RBM20: variants seen among roughly 807,000 people sequenced by gnomAD.
RBM20 encodes the protein RNA-binding protein 20.
In RBM20, 51 loss-of-function variants were observed where a neutral mutation model predicts 110.1. The observed-to-expected ratio is 0.46, with a 90% CI of 0.37 to 0.59. The LOEUF (loss-of-function observed/expected upper bound fraction) is 0.59. Among genes scored for constraint, RBM20 ranks in the 20% least tolerant of loss-of-function variants. The probability of loss-of-function intolerance (pLI) is 0.00; values close to 1 mark genes in which losing one functional copy is unlikely to be tolerated. For missense variants in RBM20, 1,512 were observed against 1,574.9 expected, an observed-to-expected ratio of 0.96 and a Z score of 0.68; for synonymous variants, 589 against 618.2, an observed-to-expected ratio of 0.95 and a Z score of 0.70.
At chr10:110,681,130 G>C (rs1270267456) in intron 1 of RBM20, among the ~76,000 whole-genome samples, 1 of 152,186 alleles carries the variant, frequency 6.6e-6, no homozygotes, top group Non-Finnish European at 1.5e-5. Flanking sequence ...AAACAAGGGA[G>C]AGACCTCTGC....
At chr10:110,831,938 G>A (rs569092499) in intron 13 of RBM20, among the ~76,000 whole-genome samples, 1 of 152,142 alleles carries the variant, frequency 6.6e-6, no homozygotes, top group South Asian at 2.1e-4. Context: ...CCAGTCTAAG[G>A]TGCCATCATT....
intron 1 of RBM20, among the ~76,000 whole-genome samples, chr10:110,694,168 A>C (rs552416572): frequency 1.1e-4 from 17 of 152,320 alleles, no homozygotes; most frequent in Admixed American, 8.5e-4. Context: ...CGTCTTAACC[A>C]TAGGTATCCC....
intron 13 of RBM20, among the ~76,000 whole-genome samples, chr10:110,832,469 G>C (rs1845069567): frequency 6.6e-6 from 1 of 152,102 alleles, no homozygotes; most frequent in African/African-American, 2.4e-5. Context: ...TTTGGAGGTG[G>C]AAGGCAGATT....
rs565984503 is a variant in RBM20 at position 110,729,731 on chromosome 10, C to T, written c.192-51070C>T. 4.1e-4 allele frequency among the ~76,000 whole-genome samples: 63 copies of T among 152,342 alleles called. 1 individual carries two copies. In the South Asian group the frequency reaches 8.9e-3, roughly 22 times the overall value. On this transcript the variant is annotated intron_variant, in intron 1 of 13. Coordinates refer to ENST00000369519, the MANE Select transcript of RBM20 (RefSeq NM_001134363.3). ...AGACAGGCCTGAGGGGAACCGCATC[C>T]ACCTCCGCCCTAGATGCGATGTTGG...
intron 1 of RBM20, among the ~76,000 whole-genome samples, chr10:110,730,559 T>A (rs1843610348): frequency 6.6e-6 from 1 of 152,262 alleles, no homozygotes; most frequent in Admixed American, 6.5e-5. Flanking sequence ...GGCTGTGCTA[T>A]TGACATTGTG....
intron 1 of RBM20, among the ~76,000 whole-genome samples, chr10:110,709,428 T>C (rs4918575): frequency 0.34 from 51,839 of 152,012 alleles, 9,162 homozygotes; most frequent in African/African-American, 0.41. Context: ...CATTGCTGCC[T>C]GTCTGTTAGA....
intron 5 of RBM20, among the ~76,000 whole-genome samples, chr10:110,796,728 G>C (rs1263277905): frequency 6.6e-6 from 1 of 152,198 alleles, no homozygotes; most frequent in Non-Finnish European, 1.5e-5. Context: ...ATTCTAGTCT[G>C]AGTGGTACAG....
intron 10 of RBM20, 127 bp downstream of exon 10, chr10:110,820,303 C>T (rs1384481392): frequency 3.2e-6 from 2 of 626,578 alleles, no homozygotes; most frequent in East Asian, 5.7e-5. Context: ...CATGAATGAA[C>T]CAGTCCTCCT....
intron 1 of RBM20, among the ~76,000 whole-genome samples, chr10:110,667,862 T>G (rs1307083236): frequency 6.6e-6 from 1 of 152,150 alleles, no homozygotes; most frequent in Non-Finnish European, 1.5e-5. Flanking sequence ...TTACCCCCCA[T>G]GCATGTGACC....
chr10:110,735,110 A>G (rs1166057120), intron 1 of RBM20, among the ~76,000 whole-genome samples: 1 of 152,220 alleles, frequency 6.6e-6, no homozygotes, highest in Admixed American at 6.5e-5. Context: ...TTCCTTGATA[A>G]CAATCCCAAA....
At chr10:110,681,671 G>C (rs772985366) in intron 1 of RBM20, among the ~76,000 whole-genome samples, 2 of 152,174 alleles carry the variant, frequency 1.3e-5, no homozygotes, top group African/African-American at 4.8e-5. Flanking sequence ...AATGATTTTA[G>C]ACCTACAGAA....
chr10:110,816,354 A>C (rs1590698603), intron 9 of RBM20, among the ~76,000 whole-genome samples: 2 of 46,750 alleles, frequency 4.3e-5, no homozygotes, highest in Admixed American at 3.1e-4. Flanking sequence ...ACCCCAACCC[A>C]TTCCTCTCCC....
intron 1 of RBM20, among the ~76,000 whole-genome samples, chr10:110,749,469 A>C (rs1366348594): frequency 6.6e-6 from 1 of 152,370 alleles, no homozygotes; most frequent in Admixed American, 6.5e-5. Flanking sequence ...ATTATAAAAC[A>C]TAAAGTATAT....
intron 1 of RBM20, among the ~76,000 whole-genome samples, chr10:110,682,020 G>A (rs1862431052): frequency 6.6e-6 from 1 of 152,102 alleles, no homozygotes; most frequent in Admixed American, 6.5e-5. Context: ...CTCCTGAGTA[G>A]CTGGGATTAC....
chr10:110,776,339 A>T (rs1299016365), intron 1 of RBM20, among the ~76,000 whole-genome samples: 4 of 152,230 alleles, frequency 2.6e-5, no homozygotes, highest in Non-Finnish European at 4.4e-5. Flanking sequence ...GCTGTAACAA[A>T]TTGCCACAAA....
chr10:110,705,839 G>A (rs1564820922), intron 1 of RBM20, among the ~76,000 whole-genome samples: 5 of 152,170 alleles, frequency 3.3e-5, no homozygotes, highest in Admixed American at 1.3e-4. Context: ...CCAGCACTTT[G>A]GGAGGCCAAG....
At chr10:110,704,859 G>A (rs1488862887) in intron 1 of RBM20, among the ~76,000 whole-genome samples, 2 of 152,150 alleles carry the variant, frequency 1.3e-5, no homozygotes, top group Admixed American at 1.3e-4. Context: ...CGATGGCTGA[G>A]TTTGGAAATT....
chr10:110,694,155 C>T, intron 1 of RBM20, among the ~76,000 whole-genome samples: 1 of 152,142 alleles, frequency 6.6e-6, no homozygotes, highest in Non-Finnish European at 1.5e-5. Context: ...CTCTACCAAG[C>T]ACCGTCTTAA....
chr10:110,645,593 C>T (rs368007024), intron 1 of RBM20, among the ~76,000 whole-genome samples: 4 of 152,216 alleles, frequency 2.6e-5, no homozygotes, highest in African/African-American at 9.6e-5. Flanking sequence ...TCTGCTGCTC[C>T]GCTGATGCTT....
Sources: gnomAD v4.1 joint callset for allele counts (sites outside exome capture counted in the v4.1 genomes callset) on GRCh38, gnomAD v4.1.1 for gene constraint, MANE v1.5 for transcripts, NCBI Gene and HGNC (gene_info 2026-07-23, HGNC 2026-07-21) for gene names.